SAMD5: variants seen among roughly 807,000 people sequenced by gnomAD.
The protein encoded by SAMD5 is sterile alpha motif domain containing 5, also known as sterile alpha motif domain-containing protein 5.
SAMD5 carries 13 observed loss-of-function variants against 11.3 expected under a neutral mutation model. That is an observed-to-expected ratio of 1.15 (90% CI 0.75 to 1.83). SAMD5 has a LOEUF of 1.83. SAMD5 is among the 40% of genes most tolerant of loss of function. The pLI is 0.00. For missense variants in SAMD5, 255 were observed against 239.1 expected, an observed-to-expected ratio of 1.07 and a Z score of -0.44; for synonymous variants, 129 against 111.3, an observed-to-expected ratio of 1.16 and a Z score of -1.00.
intron 1 of SAMD5, among the ~76,000 whole-genome samples, chr6:147,691,378 A>G (rs1430214050): frequency 6.6e-6 from 1 of 152,198 alleles, no homozygotes; most frequent in East Asian, 1.9e-4. Flanking sequence ...TTTTGATTGT[A>G]TTCAGTCATT....
downstream of SAMD5, chr6:147,741,981 TAA>T (rs1437923825): frequency 2.0e-5 from 3 of 152,190 alleles, no homozygotes; most frequent in South Asian, 6.2e-4. Flanking sequence ...AAGAAATAAA[TAA>T]AAAGTTTCAT....
chr6:147,617,512 A>G (rs925003042), intron 1 of SAMD5, among the ~76,000 whole-genome samples: 15 of 152,262 alleles, frequency 9.9e-5, no homozygotes, highest in Non-Finnish European at 1.8e-4. Context: ...CTGCAGGGAT[A>G]GCTTTATGAA....
chr6:147,517,873 GTT>G (rs564247973), intron 1 of SAMD5, among the ~76,000 whole-genome samples: 1 of 134,688 alleles, frequency 7.4e-6, no homozygotes, highest in Non-Finnish European at 1.6e-5. Flanking sequence ...ATAATGAGGT[GTT>G]TTTTTTTTTT....
intron 1 of SAMD5, among the ~76,000 whole-genome samples, chr6:147,582,642 G>A (rs145954117): frequency 6.6e-6 from 1 of 152,344 alleles, no homozygotes; most frequent in East Asian, 1.9e-4. Context: ...CTAAAGTGAA[G>A]CGGAGCTTTA....
chr6:147,853,796 C>T, the SAMD5 span, among the ~76,000 whole-genome samples: 3 of 152,018 alleles, frequency 2.0e-5, no homozygotes, highest in South Asian at 2.1e-4. Flanking sequence ...TGAATTTTTC[C>T]GTGTAACAAT....
At chr6:147,523,852 T>G (rs1788292637) in intron 1 of SAMD5, among the ~76,000 whole-genome samples, 1 of 152,150 alleles carries the variant, frequency 6.6e-6, no homozygotes, top group South Asian at 2.1e-4. Flanking sequence ...AAGGATGGGA[T>G]AGTTGCTGCC....
At chr6:147,953,415 T>A in the SAMD5 span, 1 of 152,096 alleles carries the variant, frequency 6.6e-6, no homozygotes, top group Non-Finnish European at 1.5e-5. Flanking sequence ...AATAAAAGGA[T>A]CATGAAATGT....
At chr6:147,866,111 A>T in the SAMD5 span, among the ~76,000 whole-genome samples, 2 of 150,170 alleles carry the variant, frequency 1.3e-5, no homozygotes, top group African/African-American at 2.4e-5. Context: ...GTGAGCTGAA[A>T]TTTTTTTTTT....
chr6:147,683,960 T>A (rs1354462740), intron 1 of SAMD5, among the ~76,000 whole-genome samples: 1 of 152,178 alleles, frequency 6.6e-6, no homozygotes, highest in Non-Finnish European at 1.5e-5. Flanking sequence ...TTCAAACAAA[T>A]TTTATTAAAG....
the SAMD5 span, among the ~76,000 whole-genome samples, chr6:147,880,749 C>G: frequency 1.3e-5 from 2 of 152,124 alleles, no homozygotes; most frequent in Non-Finnish European, 2.9e-5. Flanking sequence ...TGTCGTTCAG[C>G]CTTTACATCA....
chr6:147,775,469 T>C, the SAMD5 span, among the ~76,000 whole-genome samples: 1 of 152,206 alleles, frequency 6.6e-6, no homozygotes, highest in Non-Finnish European at 1.5e-5. Flanking sequence ...GAGTTAGTAC[T>C]CACACATCAC....
the SAMD5 span, among the ~76,000 whole-genome samples, chr6:147,856,827 G>GT: frequency 1.4e-5 from 2 of 147,234 alleles, no homozygotes; most frequent in African/African-American, 2.5e-5. Flanking sequence ...GGCGCGGGGG[G>GT]GGGGGGAAGC....
chr6:147,933,819 A>G, the SAMD5 span, among the ~76,000 whole-genome samples: 1 of 152,194 alleles, frequency 6.6e-6, no homozygotes, highest in Admixed American at 6.5e-5. Flanking sequence ...CTATTTCACA[A>G]AAATCATATC....
At chr6:147,574,137 A>C (rs844628), downstream of SAMD5, among the ~76,000 whole-genome samples, 9,170 of 151,980 alleles carry the variant, frequency 0.06, 543 homozygotes, top group African/African-American at 0.16. Context: ...CAAAAAAAAA[A>C]AACAAAAAAC....
At chr6:147,771,890 C>T in the SAMD5 span, among the ~76,000 whole-genome samples, 1,007 of 152,272 alleles carry the variant, frequency 6.6e-3, 6 homozygotes, top group Non-Finnish European at 8.8e-3. Context: ...CCTCCATTGC[C>T]GTGACAGCTA....
intron 1 of SAMD5, among the ~76,000 whole-genome samples, chr6:147,728,981 A>G (rs1046419682): frequency 2.0e-5 from 3 of 152,252 alleles, no homozygotes; most frequent in African/African-American, 7.2e-5. Context: ...ATATGCTACA[A>G]ACTGGGTGGA....
the SAMD5 span, among the ~76,000 whole-genome samples, chr6:147,847,382 AAC>A: frequency 2.4e-4 from 36 of 152,324 alleles, no homozygotes; most frequent in Admixed American, 2.2e-3. Flanking sequence ...TAAGATTTTA[AAC>A]AGTCAATGAA....
chr6:147,821,063 A>C, the SAMD5 span, among the ~76,000 whole-genome samples: 2 of 152,256 alleles, frequency 1.3e-5, no homozygotes, highest in African/African-American at 4.8e-5. Flanking sequence ...AGTGCCAGGC[A>C]CACAGTAGGG....
the SAMD5 span, among the ~76,000 whole-genome samples, chr6:147,936,505 T>C: frequency 6.6e-6 from 1 of 151,988 alleles, no homozygotes; most frequent in Non-Finnish European, 1.5e-5. Context: ...GAAAACTCAC[T>C]ATCATGAGGA....
Sources: gnomAD v4.1 joint callset for allele counts (sites outside exome capture counted in the v4.1 genomes callset) on GRCh38, gnomAD v4.1.1 for gene constraint, MANE v1.5 for transcripts, NCBI Gene and HGNC (gene_info 2026-07-23, HGNC 2026-07-21) for gene names.